The following DSCAM variants were observed in gnomAD, a reference collection of about 807,000 sequenced individuals.
DSCAM encodes the protein DS cell adhesion molecule.
Under a neutral mutation model 217.7 loss-of-function variants are expected in DSCAM, and 47 were observed. The observed-to-expected ratio is 0.22, with a 90% CI of 0.17 to 0.28. DSCAM has a LOEUF of 0.28. Ranked by LOEUF, DSCAM falls within the 10% of genes least tolerant of loss-of-function variation. The probability of loss-of-function intolerance (pLI) is 1.00; values close to 1 mark genes in which losing one functional copy is unlikely to be tolerated. For synonymous variants in DSCAM, 1,056 were observed against 1,015.3 expected, an observed-to-expected ratio of 1.04 and a Z score of -0.76; for missense variants, 2,080 against 2,618.3, an observed-to-expected ratio of 0.79 and a Z score of 4.49.
intron 29 of DSCAM, 41 bp from the exon 30 acceptor site, chr21:40,052,148 C>T: frequency 6.2e-7 from 1 of 1,607,834 alleles, no homozygotes; most frequent in Non-Finnish European, 8.5e-7. Flanking sequence ...ACACGTTTAT[C>T]TCCCTTCCAA....
At chr21:40,796,787 C>T (rs912704404) in intron 1 of DSCAM, among the ~76,000 whole-genome samples, 2 of 152,106 alleles carry the variant, frequency 1.3e-5, no homozygotes, top group Non-Finnish European at 1.5e-5. Context: ...TGATTTAACA[C>T]ATGGTCATGG....
rs372604584 is a variant in DSCAM at position 40,460,037 on chromosome 21, A to G, written c.509-90792T>C. 2.1e-3 allele frequency among the ~76,000 whole-genome samples: 317 copies of G among 152,298 alleles called. 2 individuals are homozygous for G. The highest frequency in any genetic ancestry group is 6.8e-3 in the African/African-American group (281 of 41,570). On this transcript the variant is annotated intron_variant, in intron 3 of 32. Transcript: ENST00000400454. ...CAAACTAACACAGGAGCAGAAAACC[A>G]AACACCGCATTTTCTCACTTATAAG...
At chr21:40,246,020 C>T (rs776155976) in intron 11 of DSCAM, among the ~76,000 whole-genome samples, 14 of 152,054 alleles carry the variant, frequency 9.2e-5, no homozygotes, top group Admixed American at 3.9e-4. Flanking sequence ...TTTCCTCAGG[C>T]CTTTTCTCTC....
At chr21:40,321,791 C>T (rs1290520473) in intron 8 of DSCAM, among the ~76,000 whole-genome samples, 1 of 152,120 alleles carries the variant, frequency 6.6e-6, no homozygotes, top group Non-Finnish European at 1.5e-5. Context: ...CAGACCTTCG[C>T]TTACTGGGAG....
At chr21:40,697,168 C>G (rs1330584776) in intron 2 of DSCAM, among the ~76,000 whole-genome samples, 1 of 152,150 alleles carries the variant, frequency 6.6e-6, no homozygotes, top group Non-Finnish European at 1.5e-5. Context: ...TAATGTGTGT[C>G]TGTCTGAGCC....
At chr21:40,357,431 A>G (rs1461525457) in intron 4 of DSCAM, among the ~76,000 whole-genome samples, 7 of 152,144 alleles carry the variant, frequency 4.6e-5, no homozygotes, top group African/African-American at 1.7e-4. Flanking sequence ...TGCACACCCA[A>G]TGGGTTCAGT....
chr21:40,171,224 T>C (rs1351831459), intron 15 of DSCAM, among the ~76,000 whole-genome samples: 2 of 152,136 alleles, frequency 1.3e-5, no homozygotes, highest in African/African-American at 4.8e-5. Flanking sequence ...ATTACAGGTG[T>C]GTGCCACCAC....
chr21:40,274,204 G>A (rs1367246985), intron 11 of DSCAM, among the ~76,000 whole-genome samples: 4 of 152,114 alleles, frequency 2.6e-5, no homozygotes, highest in Admixed American at 2.0e-4. Context: ...ACTGAGTACC[G>A]AGATCTGGAG....
At chr21:40,369,418 G>GTGTGTA in intron 3 of DSCAM, 173 bp from the exon 4 acceptor site, 1 of 548,854 alleles carries the variant, frequency 1.8e-6, no homozygotes, top group Non-Finnish European at 3.0e-6. Context: ...GTGTGTGTGT[G>GTGTGTA]TGTCAATTAA....
intron 9 of DSCAM, among the ~76,000 whole-genome samples, chr21:40,308,509 C>A (rs893288327): frequency 8.5e-5 from 13 of 152,316 alleles, no homozygotes; most frequent in Middle Eastern, 3.4e-3. Context: ...GTACAGATTT[C>A]TAGAGACCTT....
intron 3 of DSCAM, among the ~76,000 whole-genome samples, chr21:40,652,105 A>C (rs1433128689): frequency 6.6e-6 from 1 of 150,628 alleles, no homozygotes. Flanking sequence ...TTAGCTGGTG[A>C]GAACACATGG....
intron 20 of DSCAM, among the ~76,000 whole-genome samples, chr21:40,101,751 A>C (rs2089754160): frequency 6.6e-6 from 1 of 150,814 alleles, no homozygotes; most frequent in African/African-American, 2.4e-5. Flanking sequence ...CTATTCTTAC[A>C]GTGGGCTGGT....
At position 40,228,826 on chromosome 21, in the gene DSCAM, T is replaced by C. The variant is rs562557690; in HGVS notation, c.2357-39588A>G. On this transcript the variant is annotated intron_variant, in intron 11 of 32. Transcript: ENST00000400454. ...CAAGATTTGGGGACAGTTGTGTTTA[T>C]TGCTACTGTGGCATTGTTCCTTGCT... Among the ~76,000 whole-genome samples the C allele has an allele frequency of 4.6e-5, 7 of 152,302 alleles. No homozygotes were observed. The East Asian group carries it at 9.7e-4, about 21-fold the overall frequency.
Position 40,284,062 on chromosome 21 carries a change from G to T in DSCAM, c.2183-7792C>A, listed in dbSNP as rs530510379. The stretch of plus-strand genomic sequence containing the variant: ...ATTTGTTTTTCTTCTTTAGGAAGGG[G>T]GGTTTCCTCTCTGAGAATAGTTGGG... On this transcript the variant is annotated intron_variant, in intron 10 of 32. Transcript: ENST00000400454. 2.0e-5 allele frequency among the ~76,000 whole-genome samples: 3 copies of T among 152,248 alleles called. No individual in the cohort carries two copies. The East Asian group carries it at 5.8e-4, about 29-fold the overall frequency.
chr21:40,208,982 G>A (rs1397819507), intron 11 of DSCAM, among the ~76,000 whole-genome samples: 1 of 152,186 alleles, frequency 6.6e-6, no homozygotes, highest in African/African-American at 2.4e-5. Flanking sequence ...TTTCTTTTCA[G>A]AAGCTCTAAG....
chr21:40,495,816 G>T (rs1342715693), intron 3 of DSCAM, among the ~76,000 whole-genome samples: 1 of 151,948 alleles, frequency 6.6e-6, no homozygotes, highest in Non-Finnish European at 1.5e-5. Flanking sequence ...AGAACTAATA[G>T]ATAAATACAA....
chr21:40,482,616 G>T (rs2075992596), intron 3 of DSCAM, among the ~76,000 whole-genome samples: 1 of 152,116 alleles, frequency 6.6e-6, no homozygotes. Context: ...ATACTCTCTG[G>T]AGACATTTCA....
rs564049137 is a variant in DSCAM, at chr21:40,187,874, C to T, written c.2650+17G>A. 5.7e-5 allele frequency: 91 copies of T among 1,596,346 alleles called. No individual in the cohort carries two copies. Among genetic ancestry groups the T allele is most frequent in the South Asian group, 3.5e-4 (32 of 90,656 alleles). ...TGAAATGACTGTGTTTATTCTCTTA[C>T]GCTATCGTCTTCCTACCTTGCACTG... On this transcript the variant is annotated intron_variant, in intron 13 of 32. Coordinates refer to ENST00000400454, the MANE Select transcript of DSCAM (RefSeq NM_001389.5).
intron 1 of DSCAM, among the ~76,000 whole-genome samples, chr21:40,824,984 A>T (rs1276092871): frequency 6.6e-6 from 1 of 152,190 alleles, no homozygotes; most frequent in Non-Finnish European, 1.5e-5. Context: ...TATGTCCGAC[A>T]TGGTGGTCAT....
Sources: allele counts gnomAD v4.1 joint callset (sites outside exome capture counted in the v4.1 genomes callset), GRCh38; gene constraint gnomAD v4.1.1; transcripts MANE v1.5; gene names NCBI Gene and HGNC (gene_info 2026-07-23, HGNC 2026-07-21).